Variants in ARIH2 observed in about 807,000 individuals in gnomAD.
ARIH2 encodes the protein ariadne RBR E3 ubiquitin protein ligase 2, also known as E3 ubiquitin-protein ligase ARIH2.
ARIH2 carries 12 observed loss-of-function variants against 79.8 expected under a neutral mutation model. The observed-to-expected ratio is 0.15, with a 90% CI of 0.10 to 0.24. The LOEUF (loss-of-function observed/expected upper bound fraction) is 0.24. Among genes scored for constraint, ARIH2 ranks in the 10% least tolerant of loss-of-function variants. The probability of loss-of-function intolerance (pLI) is 1.00; values close to 1 mark genes in which losing one functional copy is unlikely to be tolerated. For synonymous variants in ARIH2, 224 were observed against 213.9 expected, an observed-to-expected ratio of 1.05 and a Z score of -0.41; for missense variants, 301 against 618.3, an observed-to-expected ratio of 0.49 and a Z score of 5.44.
At chr3:48,958,170 A>G (rs2090827590) in intron 3 of ARIH2, among the ~76,000 whole-genome samples, 1 of 152,108 alleles carries the variant, frequency 6.6e-6, no homozygotes, top group African/African-American at 2.4e-5. Context: ...AACAACAACA[A>G]ATCAACTGGG....
At chr3:48,982,632 TTAAATTCTTTGC>T in intron 14 of ARIH2, 1 of 424,976 alleles carries the variant, frequency 2.4e-6, no homozygotes, top group East Asian at 4.2e-5. Flanking sequence ...CTTTAGTGGC[TTAAATTCTTTGC>T]CTGCCTTTGG....
Position 48,974,834 on chromosome 3 carries a change from C to A in ARIH2, c.906C>A (p.Ile302=), listed in dbSNP as rs902703374. Residue 302 remains isoleucine (I), a synonymous_variant, in exon 10 of 16, where the codon ATC becomes ATA. Coordinates refer to ENST00000356401, the MANE Select transcript of ARIH2 (RefSeq NM_006321.4). ...CTCCTCAGTGTCCCAAGTGCAACAT[C>A]TGCATTGAGAAGAATGGAGGCTGCA... ...AHTKDCPKCN[I]CIEKNGGCNH... is the part of the protein sequence containing the mutation. The A allele has an allele frequency of 7.4e-6, 12 of 1,613,594 alleles. No individual in the cohort carries two copies. Among genetic ancestry groups the A allele is most frequent in the African/African-American group, 1.3e-5 (1 of 74,916 alleles).
At position 48,919,010 on chromosome 3, in the gene ARIH2, G is replaced by A. The variant is rs767308189; in HGVS notation, c.-162+12G>A. On this transcript the variant is annotated intron_variant, in intron 1 of 15. Transcript: ENST00000356401. The stretch of plus-strand genomic sequence containing the variant: ...GGCCGCAGCTCCCGGTAAGTGCGCG[G>A]CGCACGTCACGGCCTTGTTTACCTT... The A allele has an allele frequency of 6.3e-6, 9 of 1,435,152 alleles. No homozygotes were observed. The highest frequency in any genetic ancestry group is 7.3e-6 in the Non-Finnish European group (8 of 1,100,438). The allele number at this position is 1,435,152 out of a possible 1,614,324, so 88.9% of individuals were successfully genotyped here.
chr3:48,976,314 AGC>A (rs769510007), intron 11 of ARIH2, among the ~76,000 whole-genome samples: 23 of 151,230 alleles, frequency 1.5e-4, no homozygotes, highest in East Asian at 1.2e-3. Flanking sequence ...CCTGGGTTCA[AGC>A]GATTCTCACT....
rs770890499 is a variant in ARIH2 at position 48,985,708 on chromosome 3, G to C, written c.*2438G>C. The stretch of plus-strand genomic sequence containing the variant: ...CTCTGTTTTCCCTTTCTGGCTGTTG[G>C]GGGAGAGGGCACCTGTAAGTGATCC... On this transcript the variant is annotated 3_prime_UTR_variant, in exon 16 of 16. Coordinates refer to ENST00000356401, the MANE Select transcript of ARIH2 (RefSeq NM_006321.4). The C allele has an allele frequency of 2.6e-5, 4 of 152,160 alleles. No homozygotes were observed. Among genetic ancestry groups the C allele is most frequent in the African/African-American group, 9.7e-5 (4 of 41,406 alleles). 9.4% of individuals were successfully genotyped at this position (152,160 alleles called of 1,614,324 possible).
chr3:48,936,899 G>GTT (rs2087228757), intron 3 of ARIH2, among the ~76,000 whole-genome samples: 2 of 150,864 alleles, frequency 1.3e-5, no homozygotes, highest in Non-Finnish European at 2.9e-5. Flanking sequence ...ATGGTGGCAG[G>GTT]CGCCTATAGT....
At chr3:48,946,431 C>T (rs1214023568) in intron 3 of ARIH2, among the ~76,000 whole-genome samples, 2 of 150,962 alleles carry the variant, frequency 1.3e-5, no homozygotes, top group Non-Finnish European at 3.0e-5. Context: ...CTGTCATCCA[C>T]TATAGTCTGT....
intron 3 of ARIH2, among the ~76,000 whole-genome samples, chr3:48,952,595 T>C (rs1180136132): frequency 6.6e-6 from 1 of 152,030 alleles, no homozygotes; most frequent in Non-Finnish European, 1.5e-5. Context: ...AACTAGAGAT[T>C]GGACACTGGA....
At chr3:48,933,102 C>G (rs978360341) in intron 3 of ARIH2, among the ~76,000 whole-genome samples, 6 of 152,166 alleles carry the variant, frequency 3.9e-5, no homozygotes, top group African/African-American at 1.4e-4. Flanking sequence ...TTTGAGACAG[C>G]GCCTCACTCT....
Position 48,936,200 on chromosome 3 carries a change from CT to C in ARIH2, c.255+8398del, listed in dbSNP as rs374451466. 1.2e-3 allele frequency among the ~76,000 whole-genome samples: 181 copies of C among 146,522 alleles called. 3 individuals are homozygous for C. The highest frequency in any genetic ancestry group is 2.6e-3 in the East Asian group (13 of 5,064). ...TTTTGCCTTGCTCCAATCTAATTAT[CT>C]TTTTTTTTTTCTTTGCCCTTGCTGC... is the stretch of plus-strand genomic sequence containing the variant. On this transcript the variant is annotated intron_variant, in intron 3 of 15. Transcript: ENST00000356401.
At position 48,984,174 on chromosome 3, in the gene ARIH2, C is replaced by T. The variant is rs1463789271; in HGVS notation, c.*904C>T. On this transcript the variant is annotated 3_prime_UTR_variant, in exon 16 of 16. Transcript: ENST00000356401. ...CAAATAAATTTGCTTTACCTTGGTC[C>T]TTTCTTTTGTGCCAGTATTCAAGTG... The T allele has an allele frequency of 6.6e-6, 1 of 152,636 alleles. No homozygotes were observed. The highest frequency in any genetic ancestry group is 1.5e-5 in the Non-Finnish European group (1 of 68,054). The allele number at this position is 152,636 out of a possible 1,614,324, so 9.5% of individuals were successfully genotyped here.
chr3:48,965,955 C>G (rs1252415403), intron 5 of ARIH2, among the ~76,000 whole-genome samples: 1 of 100,112 alleles, frequency 1.0e-5, no homozygotes, highest in South Asian at 6.0e-4. Flanking sequence ...ACAGACACTC[C>G]ATCAGAAGAA....
intron 1 of ARIH2, among the ~76,000 whole-genome samples, chr3:48,920,418 CTCTT>C (rs762206964): frequency 2.4e-5 from 3 of 126,870 alleles, no homozygotes; most frequent in Non-Finnish European, 4.9e-5. Context: ...GGAGTTCTCT[CTCTT>C]TTTTTTTTGG....
intron 3 of ARIH2, among the ~76,000 whole-genome samples, chr3:48,953,541 C>G (rs1254544581): frequency 6.6e-6 from 1 of 151,986 alleles, no homozygotes; most frequent in African/African-American, 2.4e-5. Flanking sequence ...GTAGCTGGAA[C>G]TACAGGTGCC....
chr3:48,944,747 C>A (rs118058867), intron 3 of ARIH2, among the ~76,000 whole-genome samples: 1 of 152,180 alleles, frequency 6.6e-6, no homozygotes, highest in African/African-American at 2.4e-5. Context: ...TTTGCCCCAT[C>A]GTAGGCTGGT....
intron 3 of ARIH2, among the ~76,000 whole-genome samples, chr3:48,946,338 A>G (rs1471452384): frequency 6.6e-6 from 1 of 151,948 alleles, no homozygotes; most frequent in African/African-American, 2.4e-5. Context: ...TTTCTAGGCC[A>G]GTGTAACCAA....
intron 3 of ARIH2, among the ~76,000 whole-genome samples, chr3:48,957,913 A>G (rs543709805): frequency 3.2e-4 from 48 of 152,234 alleles, no homozygotes; most frequent in Admixed American, 1.5e-3. Context: ...ACGGGATGTC[A>G]CCATATTAGC....
At chr3:48,948,995 C>T (rs1470138006) in intron 3 of ARIH2, 9 of 447,364 alleles carry the variant, frequency 2.0e-5, no homozygotes, top group Non-Finnish European at 2.7e-5. Flanking sequence ...TGGGCTACTA[C>T]GCAGTATGCT....
At chr3:48,967,498 G>C (rs1389133448) in intron 6 of ARIH2, among the ~76,000 whole-genome samples, 5 of 152,184 alleles carry the variant, frequency 3.3e-5, no homozygotes, top group African/African-American at 1.2e-4. Context: ...ATGTTGGCGT[G>C]AGTGCAGAGC....
Sources: gnomAD v4.1 joint callset for allele counts (sites outside exome capture counted in the v4.1 genomes callset) on GRCh38, gnomAD v4.1.1 for gene constraint, MANE v1.5 for transcripts, NCBI Gene and HGNC (gene_info 2026-07-23, HGNC 2026-07-21) for gene names.